PPP3CA: variants seen among roughly 807,000 people sequenced by gnomAD.
The protein encoded by PPP3CA is CAM-PRP catalytic subunit.
A neutral mutation model predicts 66.5 loss-of-function variants in PPP3CA; 14 were observed. That is an observed-to-expected ratio of 0.21 (90% CI 0.14 to 0.33). The LOEUF is 0.33. PPP3CA is among the 10% of genes least tolerant of loss of function. The pLI is 1.00. For missense variants in PPP3CA, 317 were observed against 639.5 expected (o/e 0.50, Z 5.44); for synonymous variants, 232 against 226.2 (o/e 1.03, Z -0.23).
chr4:101,038,118 T>G (rs1727334287), intron 11 of PPP3CA, among the ~76,000 whole-genome samples: 1 of 152,152 alleles, frequency 6.6e-6, no homozygotes, highest in South Asian at 2.1e-4. Context: ...AACCTGGCAC[T>G]TAGCAAGTGC....
intron 8 of PPP3CA, among the ~76,000 whole-genome samples, chr4:101,079,333 C>G (rs543072869): frequency 6.6e-6 from 1 of 152,032 alleles, no homozygotes; most frequent in East Asian, 1.9e-4. Flanking sequence ...CTATATTTGA[C>G]CTTAGATATG....
At chr4:101,202,039 C>G (rs185583790) in intron 1 of PPP3CA, among the ~76,000 whole-genome samples, 1 of 151,946 alleles carries the variant, frequency 6.6e-6, no homozygotes, top group African/African-American at 2.4e-5. Context: ...AGATAGTTGG[C>G]AAAGTGTTAA....
chr4:101,104,393 G>C (rs1206161894), intron 3 of PPP3CA, among the ~76,000 whole-genome samples: 1 of 151,966 alleles, frequency 6.6e-6, no homozygotes, highest in Non-Finnish European at 1.5e-5. Flanking sequence ...GGAGAAGGCT[G>C]TGTGTACGTT....
At chr4:101,266,635 T>C (rs922806388) in intron 1 of PPP3CA, among the ~76,000 whole-genome samples, 4 of 152,138 alleles carry the variant, frequency 2.6e-5, no homozygotes, top group African/African-American at 7.2e-5. Flanking sequence ...GAAATTTCTT[T>C]ACATTGACAG....
chr4:101,130,899 C>T (rs543574520), intron 2 of PPP3CA, among the ~76,000 whole-genome samples: 56 of 152,264 alleles, frequency 3.7e-4, no homozygotes, highest in African/African-American at 1.3e-3. Context: ...CAATATTAAC[C>T]TTAAATAAAA....
chr4:101,301,240 C>T (rs1330062682), intron 1 of PPP3CA, among the ~76,000 whole-genome samples: 1 of 151,700 alleles, frequency 6.6e-6, no homozygotes, highest in East Asian at 1.9e-4. Flanking sequence ...CCAACATTCA[C>T]ATTGTGTTTA....
intron 8 of PPP3CA, 123 bp downstream of exon 8, chr4:101,080,409 A>C (rs936705105): frequency 2.3e-6 from 1 of 439,476 alleles, no homozygotes; most frequent in South Asian, 1.0e-4. Flanking sequence ...GCATGAAACA[A>C]TAACTGAAAA....
intron 2 of PPP3CA, among the ~76,000 whole-genome samples, chr4:101,149,784 TC>T (rs1723080676): frequency 6.6e-6 from 1 of 152,170 alleles, no homozygotes; most frequent in South Asian, 2.1e-4. Flanking sequence ...TCTCAAGATT[TC>T]AGCTATCTCA....
intron 10 of PPP3CA, 70 bp downstream of exon 10, chr4:101,061,017 T>C: frequency 8.0e-7 from 1 of 1,243,710 alleles, no homozygotes; most frequent in Non-Finnish European, 1.2e-6. Flanking sequence ...AATTTATTCT[T>C]AGATTTAGCA....
At chr4:101,276,410 A>G (rs559258927) in intron 1 of PPP3CA, among the ~76,000 whole-genome samples, 4 of 152,320 alleles carry the variant, frequency 2.6e-5, no homozygotes, top group African/African-American at 4.8e-5. Context: ...AATAAAAACT[A>G]TATTATTTTT....
At chr4:101,318,829 A>G (rs969257732) in intron 1 of PPP3CA, among the ~76,000 whole-genome samples, 1 of 152,116 alleles carries the variant, frequency 6.6e-6, no homozygotes, top group Non-Finnish European at 1.5e-5. Context: ...GAATTCTAAT[A>G]GCTCAAAGTT....
intron 1 of PPP3CA, among the ~76,000 whole-genome samples, chr4:101,336,060 C>A (rs894275157): frequency 9.3e-5 from 14 of 151,252 alleles, no homozygotes; most frequent in South Asian, 6.3e-4. Flanking sequence ...CACACACACA[C>A]AAAAATTAGC....
rs140598849 is a variant in PPP3CA, at chr4:101,323,435, T to C, written c.58+23304A>G. 9.3e-4 allele frequency among the ~76,000 whole-genome samples: 141 copies of C among 152,328 alleles called. 2 individuals are homozygous for C. The East Asian group carries it at 0.025, about 27-fold the overall frequency. ...TTAACTGTGTACGTGTGATGAGTGTTACTTGCTCCCTCTTCAGTCAAGGAT... is the reference window on the plus strand; with the variant it reads ...TTAACTGTGTACGTGTGATGAGTGTCACTTGCTCCCTCTTCAGTCAAGGAT... On this transcript the variant is annotated intron_variant, in intron 1 of 13. Coordinates refer to ENST00000394854, the MANE Select transcript of PPP3CA (RefSeq NM_000944.5).
intron 8 of PPP3CA, among the ~76,000 whole-genome samples, chr4:101,080,005 G>T: frequency 6.6e-6 from 1 of 152,178 alleles, no homozygotes; most frequent in Non-Finnish European, 1.5e-5. Context: ...GGAGGAGGTA[G>T]AGTAGCTAAT....
chr4:101,093,199 G>A (rs1730036293), intron 6 of PPP3CA, among the ~76,000 whole-genome samples: 1 of 152,122 alleles, frequency 6.6e-6, no homozygotes, highest in Non-Finnish European at 1.5e-5. Flanking sequence ...TTTCTCTAAT[G>A]ACCAGTGATG....
At chr4:101,106,460 GAAAAGAAAAGAAAAGAAA>G (rs1560605235) in intron 3 of PPP3CA, among the ~76,000 whole-genome samples, 538 of 23,482 alleles carry the variant, frequency 0.023, 103 homozygotes, top group South Asian at 0.085. Flanking sequence ...AAAGAGAAAA[GAAAAGAAAAGAAAAGAAA>G]AGAAAAGAAA....
chr4:101,271,816 G>A (rs1727344940), intron 1 of PPP3CA, among the ~76,000 whole-genome samples: 1 of 151,890 alleles, frequency 6.6e-6, no homozygotes, highest in African/African-American at 2.4e-5. Flanking sequence ...TAAAAGATGG[G>A]CCCAAAAATG....
At chr4:101,252,444 T>C (rs1192058743) in intron 1 of PPP3CA, among the ~76,000 whole-genome samples, 2 of 152,166 alleles carry the variant, frequency 1.3e-5, no homozygotes, top group African/African-American at 4.8e-5. Context: ...TTCTGATTTA[T>C]ATGTGATTTT....
intron 2 of PPP3CA, among the ~76,000 whole-genome samples, chr4:101,162,478 C>T (rs775484680): frequency 6.6e-6 from 1 of 151,298 alleles, no homozygotes; most frequent in Non-Finnish European, 1.5e-5. Flanking sequence ...TGCAGTGAGC[C>T]GTGATCACGC....
Sources: allele counts gnomAD v4.1 joint callset (sites outside exome capture counted in the v4.1 genomes callset), GRCh38; gene constraint gnomAD v4.1.1; transcripts MANE v1.5; gene names NCBI Gene and HGNC (gene_info 2026-07-23, HGNC 2026-07-21).